The following SDF4 variants were observed in gnomAD, a reference collection of about 807,000 sequenced individuals.
SDF4 encodes stromal cell derived factor 4, also known as 45 kDa calcium-binding protein.
SDF4 carries 22 observed loss-of-function variants against 34.2 expected under a neutral mutation model. The ratio of observed to expected loss-of-function variants is 0.64; its 90% CI spans 0.46 to 0.92. The LOEUF is 0.92. SDF4 is among the 40% of genes least tolerant of loss of function. The pLI is 0.00. For synonymous variants in SDF4, 236 were observed against 203.1 expected, an observed-to-expected ratio of 1.16 and a Z score of -1.38; for missense variants, 447 against 499.9, an observed-to-expected ratio of 0.89 and a Z score of 1.01.
In SDF4 at chr1:1,224,141, G is replaced by C. The variant is rs141695066; in HGVS notation, c.306-173C>G. On this transcript the variant is annotated intron_variant, in intron 2 of 6. Transcript: ENST00000360001. ...CGGGACGTGGGGCTTGTGGGGTGCC[G>C]GGCCACGCCAGAGACACTGGGGAAG... is the stretch of plus-strand genomic sequence containing the variant. Among the ~76,000 whole-genome samples, 1,181 of 152,238 alleles carry C rather than the reference G, an allele frequency of 7.8e-3. 16 individuals are homozygous for C. The highest frequency in any genetic ancestry group is 0.027 in the African/African-American group (1,118 of 41,524).
chr1:1,219,336 G>A, intron 4 of SDF4: 1 of 1,130,878 alleles, frequency 8.8e-7, no homozygotes, highest in Non-Finnish European at 1.1e-6. Context: ...ACCTCCCCAT[G>A]GCCCAGACCA....
chr1:1,218,860 C>G lies in SDF4; in HGVS notation c.624G>C (p.Leu208=). The change falls in exon 5 of 7, where the codon CTG becomes CTC. Residue 208 remains leucine, a synonymous_variant. Coordinates refer to ENST00000360001, the MANE Select transcript of SDF4 (RefSeq NM_016176.6). This position sits in a 1 kb window ranked among gnomAD's most constrained non-coding sequence, Gnocchi z 7.9. ...YQADSPPADL[L]LTEEEFLSFL... is the part of the protein sequence containing the mutation. ...ACGACAGGAACTCCTCCTCCGTCAG[C>G]AGCAGGTCTGCAGGGGGGCTGTCCG... is the stretch of plus-strand genomic sequence containing the variant. The G allele has an allele frequency of 1.3e-6, 2 of 1,597,958 alleles. No individual in the cohort carries two copies. The highest frequency in any genetic ancestry group is 1.7e-6 in the Non-Finnish European group (2 of 1,169,128).
intron 1 of SDF4, among the ~76,000 whole-genome samples, chr1:1,229,271 CA>C (rs1454323004): frequency 2.0e-5 from 3 of 152,248 alleles, no homozygotes; most frequent in African/African-American, 7.2e-5. Context: ...TCACCGTGAC[CA>C]CGAACTCCTG....
chr1:1,229,097 G>A (rs1449225543), intron 1 of SDF4, among the ~76,000 whole-genome samples, 151 bp from the exon 2 acceptor site: 1 of 152,056 alleles, frequency 6.6e-6, no homozygotes, highest in Non-Finnish European at 1.5e-5. Context: ...GCCTTCTCCA[G>A]ACCACACGTG....
Position 1,228,785 on chromosome 1 carries a change from C to A in SDF4, c.-13G>T. The A allele has an allele frequency of 6.3e-7, 1 of 1,596,810 alleles. No homozygotes were observed. Among genetic ancestry groups the A allele is most frequent in the Non-Finnish European group, 8.5e-7 (1 of 1,174,378 alleles). On this transcript the variant is annotated 5_prime_UTR_variant, in exon 2 of 7. Coordinates refer to ENST00000360001, the MANE Select transcript of SDF4 (RefSeq NM_016176.6). Reference sequence around the variant, plus strand: ...ACCTGGACGCCATCGCCACCCAGGGCCAGACCATGGGGCGGGCTGCAGGGT... The same window carrying A: ...ACCTGGACGCCATCGCCACCCAGGGACAGACCATGGGGCGGGCTGCAGGGT...
chr1:1,218,752 G>C lies in SDF4; in HGVS notation c.715+17C>G, dbSNP rs1553149229. On this transcript the variant is annotated intron_variant, in intron 5 of 6. Coordinates refer to ENST00000360001, the MANE Select transcript of SDF4 (RefSeq NM_016176.6). The surrounding 1 kb of genome is among the most constrained non-coding windows in gnomAD (Gnocchi z 7.9). The stretch of plus-strand genomic sequence containing the variant: ...TCCTGGGTCCTGGCGTGCCGGCCAG[G>C]CTGGACCCAGCCTCACCCAGGTCCC... 1.9e-6 allele frequency: 3 copies of C among 1,612,484 alleles called. No individual in the cohort carries two copies. The highest frequency in any genetic ancestry group is 2.2e-5 in the South Asian group (2 of 91,056).
chr1:1,229,507 C>T (rs925420637), intron 1 of SDF4, among the ~76,000 whole-genome samples: 6 of 152,196 alleles, frequency 3.9e-5, no homozygotes, highest in South Asian at 4.1e-4. Flanking sequence ...CCACTGTGCC[C>T]GGTCTTTTTT....
At position 1,228,868 on chromosome 1, in the gene SDF4, C is replaced by CG. The variant is rs1225176206; in HGVS notation, c.-97_-96insC. 6 of 1,186,990 alleles carry CG rather than the reference C, an allele frequency of 5.1e-6. No individual in the cohort carries two copies. The highest frequency in any genetic ancestry group is 7.0e-6 in the Non-Finnish European group (6 of 856,808). 73.5% of individuals were successfully genotyped at this position (1,186,990 alleles called of 1,614,324 possible). ...GGCAGAGGAGGAAGTGAGGTCCTGGCTCCAATCCAATCCCCGGGCACCACG... is the reference window on the plus strand; with the variant it reads ...GGCAGAGGAGGAAGTGAGGTCCTGGCGTCCAATCCAATCCCCGGGCACCACG... On this transcript the variant is annotated 5_prime_UTR_variant, in exon 2 of 7. Transcript: ENST00000360001.
chr1:1,219,867 T>C, intron 4 of SDF4: 4 of 985,830 alleles, frequency 4.1e-6, no homozygotes, highest in Non-Finnish European at 4.8e-6. Context: ...CGGCAGCCTC[T>C]GCGTCGCGCT....
At chr1:1,227,500 CGG>C (rs1277640873) in intron 2 of SDF4, among the ~76,000 whole-genome samples, 2 of 151,964 alleles carry the variant, frequency 1.3e-5, no homozygotes, top group African/African-American at 4.8e-5. Context: ...GGCCCTGCGG[CGG>C]GGGCTGCCTC....
chr1:1,227,979 C>T (rs1036618271), intron 2 of SDF4, among the ~76,000 whole-genome samples: 7 of 152,204 alleles, frequency 4.6e-5, no homozygotes, highest in African/African-American at 9.6e-5. Flanking sequence ...GTGTGATACG[C>T]GGCCCGTGTG....
intron 1 of SDF4, among the ~76,000 whole-genome samples, 164 bp from the exon 2 acceptor site, chr1:1,229,110 ATTG>A (rs1452903444): frequency 6.6e-6 from 1 of 151,512 alleles, no homozygotes; most frequent in Admixed American, 6.6e-5. Flanking sequence ...CACACGTGGC[ATTG>A]TTTTCTCCGG....
rs184446944 is a variant in SDF4 at position 1,219,883 on chromosome 1, C to T, written c.557-956G>A. 5.1e-4 allele frequency: 501 copies of T among 985,752 alleles called. 1 individual carries two copies. Among genetic ancestry groups the T allele is most frequent in the East Asian group, 1.0e-3 (9 of 8,824 alleles). 61.1% of individuals were successfully genotyped at this position (985,752 alleles called of 1,614,324 possible). The stretch of plus-strand genomic sequence containing the variant: ...GGCAGCCTCTGCGTCGCGCTCACTG[C>T]GGGATGAGGCCCAGCTGCCGTCCCA... On this transcript the variant is annotated intron_variant, in intron 4 of 6. Transcript: ENST00000360001.
At chr1:1,220,080 A>G in intron 4 of SDF4, 1 of 986,692 alleles carries the variant, frequency 1.0e-6, no homozygotes. Flanking sequence ...CAGACGCCCC[A>G]GACAGGCCGG....
At chr1:1,220,301 G>A in intron 4 of SDF4, 1 of 1,093,380 alleles carries the variant, frequency 9.1e-7, no homozygotes, top group Non-Finnish European at 1.1e-6. Flanking sequence ...GAGAGAGGCA[G>A]CGATGGAGGC....
chr1:1,226,934 AG>A (rs1557520686), intron 2 of SDF4, among the ~76,000 whole-genome samples: 1 of 152,140 alleles, frequency 6.6e-6, no homozygotes, highest in Non-Finnish European at 1.5e-5. Context: ...GACAGGCCCC[AG>A]GGGCACCAGC....
chr1:1,228,837 G>T lies in SDF4; in HGVS notation c.-65C>A. Reference sequence around the variant, plus strand: ...TGGGCCAGGTGCTGGGAGGGGCAGGGGCAGGGGCAGAGGAGGAAGTGAGGT... The same window carrying T: ...TGGGCCAGGTGCTGGGAGGGGCAGGTGCAGGGGCAGAGGAGGAAGTGAGGT... On this transcript the variant is annotated 5_prime_UTR_variant, in exon 2 of 7. Coordinates refer to ENST00000360001, the MANE Select transcript of SDF4 (RefSeq NM_016176.6). The T allele has an allele frequency of 6.9e-7, 1 of 1,449,502 alleles. No homozygotes were observed. Among genetic ancestry groups the T allele is most frequent in the Non-Finnish European group, 9.3e-7 (1 of 1,073,790 alleles). 89.8% of individuals were successfully genotyped at this position (1,449,502 alleles called of 1,614,324 possible).
At chr1:1,226,893 A>G (rs1204722918) in intron 2 of SDF4, among the ~76,000 whole-genome samples, 1 of 152,190 alleles carries the variant, frequency 6.6e-6, no homozygotes, top group Non-Finnish European at 1.5e-5. Context: ...GCCGCGAGCC[A>G]GGCCTTCGTG....
chr1:1,220,491 C>A (rs1050795271), intron 4 of SDF4: 12 of 1,198,106 alleles, frequency 1.0e-5, no homozygotes, highest in Non-Finnish European at 1.3e-5. Flanking sequence ...CCTCCAGGAC[C>A]CGGCAGCTGC....
Sources: gnomAD v4.1 joint callset for allele counts (sites outside exome capture counted in the v4.1 genomes callset) on GRCh38, gnomAD v4.1.1 for gene constraint, Gnocchi (gnomAD v3.1) non-coding constraint, MANE v1.5 for transcripts, NCBI Gene and HGNC (gene_info 2026-07-23, HGNC 2026-07-21) for gene names.